The following KAZN variants were observed in gnomAD, a reference collection of about 807,000 sequenced individuals.
KAZN encodes the protein kazrin.
Under a neutral mutation model 87.4 loss-of-function variants are expected in KAZN, and 40 were observed. That is an observed-to-expected ratio of 0.46 (90% CI 0.36 to 0.60). The LOEUF (loss-of-function observed/expected upper bound fraction) is 0.60, where lower values mean the gene tolerates loss of function less well. Among genes scored for constraint, KAZN ranks in the 20% least tolerant of loss-of-function variants. The pLI is 0.00. For synonymous variants in KAZN, 466 were observed against 458.3 expected, an observed-to-expected ratio of 1.02 and a Z score of -0.22; for missense variants, 898 against 1,073.9, an observed-to-expected ratio of 0.84 and a Z score of 2.29.
intron 2 of KAZN, among the ~76,000 whole-genome samples, chr1:14,581,610 C>CTA (rs1675551164): frequency 6.6e-6 from 1 of 152,174 alleles, no homozygotes; most frequent in Non-Finnish European, 1.5e-5. Context: ...AGAATAAGAG[C>CTA]CAAAGTCCCT....
In KAZN at chr1:14,521,288, T is replaced by G. The variant is rs556018641; in HGVS notation, c.250-77695T>G. 3.3e-5 allele frequency among the ~76,000 whole-genome samples: 5 copies of G among 152,308 alleles called. No individual in the cohort carries two copies. The South Asian group carries it at 1.0e-3, about 32-fold the overall frequency. On this transcript the variant is annotated intron_variant, in intron 2 of 16. Transcript: ENST00000636203. ...GAGCCAAATCTCTTTTCACTCAGTG[T>G]GCCCAATGTGATATTTAAACAGAAA...
chr1:14,940,817 A>G (rs920705526), intron 1 of KAZN, among the ~76,000 whole-genome samples: 19 of 148,656 alleles, frequency 1.3e-4, no homozygotes, highest in African/African-American at 4.2e-4. Context: ...GCGGAGTGCT[A>G]TCAGGGTGGA....
At chr1:13,930,144 C>T (rs896582688) in intron 1 of KAZN, among the ~76,000 whole-genome samples, 2 of 152,158 alleles carry the variant, frequency 1.3e-5, no homozygotes, top group African/African-American at 2.4e-5. Flanking sequence ...CTCTTCCTAC[C>T]GATTGATGTT....
intron 1 of KAZN, among the ~76,000 whole-genome samples, chr1:14,806,311 G>A (rs1272104496): frequency 6.6e-6 from 1 of 152,226 alleles, no homozygotes; most frequent in African/African-American, 2.4e-5. Context: ...CCCTGGGAGG[G>A]GGTTTTGGCT....
At chr1:14,547,676 G>A (rs904503956) in intron 2 of KAZN, among the ~76,000 whole-genome samples, 20 of 152,030 alleles carry the variant, frequency 1.3e-4, no homozygotes, top group Non-Finnish European at 2.1e-4. Context: ...TCCGCATCCC[G>A]GGTTCACGCC....
chr1:14,837,323 C>T (rs1639018616), intron 1 of KAZN, among the ~76,000 whole-genome samples: 1 of 151,530 alleles, frequency 6.6e-6, no homozygotes. Flanking sequence ...CTCAGCCTCC[C>T]CGAGTAGCTG....
intron 1 of KAZN, among the ~76,000 whole-genome samples, chr1:14,912,166 A>G (rs1657327090): frequency 8.0e-6 from 1 of 125,346 alleles, no homozygotes; most frequent in Non-Finnish European, 1.7e-5. Flanking sequence ...AAAAAAAAAA[A>G]AGGAAAGGAA....
At chr1:14,835,238 C>T (rs1241439515) in intron 1 of KAZN, among the ~76,000 whole-genome samples, 2 of 152,082 alleles carry the variant, frequency 1.3e-5, no homozygotes. Context: ...ACATATGTTG[C>T]CTTAAAGGGC....
Position 14,942,641 on chromosome 1 carries a change from G to A in KAZN, c.227-18043G>A, listed in dbSNP as rs915154061. 2.6e-5 allele frequency among the ~76,000 whole-genome samples: 4 copies of A among 152,208 alleles called. No homozygotes were observed. The East Asian group carries it at 7.7e-4, about 29-fold the overall frequency. ...CATGTTTTGGCATGAAAGCACCTCT[G>A]GCCAGGAGACTGTAGTCCTAGGGGG... On this transcript the variant is annotated intron_variant, in intron 1 of 14. Transcript: ENST00000376030.
chr1:14,613,487 T>C (rs1170995620), intron 1 of KAZN, among the ~76,000 whole-genome samples: 1 of 152,336 alleles, frequency 6.6e-6, no homozygotes, highest in East Asian at 1.9e-4. Context: ...TGAATAGTGA[T>C]TCCTAGTGTT....
intron 1 of KAZN, among the ~76,000 whole-genome samples, chr1:14,709,421 A>T (rs1642377178): frequency 6.6e-6 from 1 of 152,124 alleles, no homozygotes; most frequent in Non-Finnish European, 1.5e-5. Flanking sequence ...GTCAAGAAAA[A>T]CTTAAGACTG....
At chr1:15,112,712 C>T (rs565586551) in intron 14 of KAZN, 171 bp downstream of exon 14, 97 of 592,962 alleles carry the variant, frequency 1.6e-4, no homozygotes, top group African/African-American at 1.5e-3. Flanking sequence ...GGAACCTTCA[C>T]GATGCTTTGG....
intron 1 of KAZN, among the ~76,000 whole-genome samples, chr1:14,120,229 A>G (rs975093345): frequency 6.6e-6 from 1 of 152,130 alleles, no homozygotes; most frequent in African/African-American, 2.4e-5. Flanking sequence ...TCATAGAAGA[A>G]GGCAAAGAGG....
chr1:14,452,581 T>C (rs1394534497), intron 2 of KAZN, among the ~76,000 whole-genome samples: 1 of 152,208 alleles, frequency 6.6e-6, no homozygotes, highest in Admixed American at 6.5e-5. Context: ...AGTGGCCATT[T>C]GGCTGAGGCA....
intron 1 of KAZN, among the ~76,000 whole-genome samples, chr1:14,158,260 T>G (rs768769983): frequency 1.2e-4 from 18 of 152,206 alleles, no homozygotes; most frequent in Non-Finnish European, 2.4e-4. Context: ...GGGGCTATTT[T>G]CTAGATCTTA....
At chr1:14,733,583 G>A (rs1643781512) in intron 1 of KAZN, among the ~76,000 whole-genome samples, 1 of 152,000 alleles carries the variant, frequency 6.6e-6, no homozygotes, top group Non-Finnish European at 1.5e-5. Flanking sequence ...GGGGAGTGGG[G>A]GAGTTCTGGA....
At chr1:14,134,969 GCACACACACACACACA>G (rs35930772) in intron 1 of KAZN, among the ~76,000 whole-genome samples, 1 of 99,000 alleles carries the variant, frequency 1.0e-5, no homozygotes, top group African/African-American at 4.5e-5. Flanking sequence ...ATATGCACCC[GCACACACACACACACA>G]CACACACACA....
At chr1:14,450,891 G>A (rs116785200) in intron 2 of KAZN, among the ~76,000 whole-genome samples, 1,655 of 152,052 alleles carry the variant, frequency 0.011, 27 homozygotes, top group African/African-American at 0.035. Context: ...CTGGATGGTC[G>A]TCCTAGGTTT....
intron 2 of KAZN, among the ~76,000 whole-genome samples, chr1:14,425,977 T>G (rs535069605): frequency 5.3e-5 from 8 of 152,218 alleles, no homozygotes; most frequent in Non-Finnish European, 5.9e-5. Flanking sequence ...GCAGGAGGAC[T>G]GCAATTGCAG....
Sources: gnomAD v4.1 joint callset for allele counts (sites outside exome capture counted in the v4.1 genomes callset) on GRCh38, gnomAD v4.1.1 for gene constraint, MANE v1.5 for transcripts, NCBI Gene and HGNC (gene_info 2026-07-23, HGNC 2026-07-21) for gene names.